The following PLD5 variants were observed in gnomAD, a reference collection of about 807,000 sequenced individuals.
PLD5 encodes the protein inactive phospholipase D5.
In PLD5, 36 loss-of-function variants were observed where a neutral mutation model predicts 61.1. The ratio of observed to expected loss-of-function variants is 0.59; its 90% CI spans 0.45 to 0.78. The LOEUF is 0.78. PLD5 is among the 30% of genes least tolerant of loss of function. The pLI is 0.00. For synonymous variants in PLD5, 243 were observed against 242.8 expected (o/e 1.00, Z -0.01); for missense variants, 515 against 644.4 (o/e 0.80, Z 2.17).
At chr1:242,351,586 T>G (rs1660480769) in intron 1 of PLD5, among the ~76,000 whole-genome samples, 1 of 152,204 alleles carries the variant, frequency 6.6e-6, no homozygotes, top group East Asian at 1.9e-4. Context: ...ACCATGATTG[T>G]CCTCAGTCAT....
chr1:242,137,060 G>A (rs1234755269), intron 5 of PLD5, among the ~76,000 whole-genome samples: 1 of 152,202 alleles, frequency 6.6e-6, no homozygotes, highest in Non-Finnish European at 1.5e-5. Flanking sequence ...CAGTCTGGCA[G>A]CAGCAGGGGA....
chr1:242,159,584 C>T (rs762274725), intron 5 of PLD5, among the ~76,000 whole-genome samples: 8 of 152,200 alleles, frequency 5.3e-5, no homozygotes, highest in South Asian at 2.1e-4. Flanking sequence ...GGGCTTTCTC[C>T]GTGATCCCGC....
At chr1:242,155,122 T>G (rs1665249865) in intron 5 of PLD5, among the ~76,000 whole-genome samples, 1 of 152,150 alleles carries the variant, frequency 6.6e-6, no homozygotes, top group Non-Finnish European at 1.5e-5. Context: ...GATTTTCTAC[T>G]TTATTATTTG....
At chr1:242,280,992 G>A (rs1451585467) in intron 3 of PLD5, among the ~76,000 whole-genome samples, 1 of 152,194 alleles carries the variant, frequency 6.6e-6, no homozygotes, top group Admixed American at 6.5e-5. Context: ...AGGACAAGTA[G>A]GCTTAGAGAG....
At chr1:242,346,060 T>G (rs1408443461) in intron 2 of PLD5, among the ~76,000 whole-genome samples, 1 of 106,690 alleles carries the variant, frequency 9.4e-6, no homozygotes. Context: ...ATATCACATA[T>G]ATATGATATA....
intron 1 of PLD5, among the ~76,000 whole-genome samples, chr1:242,437,375 T>C (rs1666046894): frequency 6.6e-6 from 1 of 152,164 alleles, no homozygotes; most frequent in Non-Finnish European, 1.5e-5. Flanking sequence ...ATTCTCATCC[T>C]TTACCCTCCT....
intron 1 of PLD5, among the ~76,000 whole-genome samples, chr1:242,396,284 T>G (rs747412030): frequency 2.0e-5 from 3 of 152,166 alleles, no homozygotes; most frequent in Non-Finnish European, 2.9e-5. Context: ...TAGAAAGACC[T>G]ATTAAATAAC....
intron 4 of PLD5, among the ~76,000 whole-genome samples, chr1:242,264,233 C>T (rs970422010): frequency 6.6e-6 from 1 of 152,166 alleles, no homozygotes; most frequent in Non-Finnish European, 1.5e-5. Context: ...TGTCAATCCA[C>T]TGAACTGGGC....
chr1:242,498,000 T>G (rs1440638073), intron 1 of PLD5, among the ~76,000 whole-genome samples: 1 of 152,202 alleles, frequency 6.6e-6, no homozygotes, highest in Non-Finnish European at 1.5e-5. Flanking sequence ...AGTCTCGCTC[T>G]GTCACCCAGG....
At chr1:242,444,003 T>A (rs947091601) in intron 1 of PLD5, among the ~76,000 whole-genome samples, 2 of 152,206 alleles carry the variant, frequency 1.3e-5, no homozygotes, top group African/African-American at 2.4e-5. Flanking sequence ...GCATCCATCA[T>A]GAATCATCAG....
intron 5 of PLD5, among the ~76,000 whole-genome samples, chr1:242,178,594 G>A (rs1277915541): frequency 6.6e-6 from 1 of 152,188 alleles, no homozygotes; most frequent in Admixed American, 6.5e-5. Context: ...CAATGATTCT[G>A]TCGAGAGAGA....
chr1:242,226,767 T>C (rs1181478663), intron 4 of PLD5, among the ~76,000 whole-genome samples: 1 of 152,218 alleles, frequency 6.6e-6, no homozygotes, highest in African/African-American at 2.4e-5. Flanking sequence ...AGACGCTTCA[T>C]TGAAATTTAA....
At chr1:242,509,664 T>G (rs905956437) in intron 1 of PLD5, among the ~76,000 whole-genome samples, 4 of 152,208 alleles carry the variant, frequency 2.6e-5, no homozygotes, top group African/African-American at 9.6e-5. Context: ...TGTCTTCTTA[T>G]TACCTCATTT....
At chr1:242,214,084 T>C (rs530434900) in intron 5 of PLD5, among the ~76,000 whole-genome samples, 16 of 152,298 alleles carry the variant, frequency 1.1e-4, no homozygotes, top group African/African-American at 3.8e-4. Flanking sequence ...ATAGCGCATG[T>C]CCTTCCTGCT....
At chr1:242,096,676 C>G (rs1471246903) in intron 9 of PLD5, among the ~76,000 whole-genome samples, 1 of 132,444 alleles carries the variant, frequency 7.6e-6, no homozygotes, top group Non-Finnish European at 1.7e-5. Context: ...TGTTTTAAGT[C>G]TTTTTTGTTT....
chr1:242,170,590 G>C (rs1666674988), intron 5 of PLD5, among the ~76,000 whole-genome samples: 1 of 152,068 alleles, frequency 6.6e-6, no homozygotes, highest in Admixed American at 6.6e-5. Flanking sequence ...TCAGAAGGTG[G>C]GTAATAACAA....
chr1:242,134,842 C>G lies in PLD5; in HGVS notation c.736-10177G>C, dbSNP rs1426429036. 2.6e-5 allele frequency among the ~76,000 whole-genome samples: 4 copies of G among 152,304 alleles called. No individual in the cohort carries two copies. In the East Asian group the frequency reaches 7.7e-4, roughly 29 times the overall value. ...TTCCCAGCACCATTGGTTCTCATAG[C>G]TTCCCTGTCTGTGAAGTTCCAGAAA... On this transcript the variant is annotated intron_variant, in intron 5 of 9. Coordinates refer to ENST00000536534, the MANE Select transcript of PLD5 (RefSeq NM_001372062.1).
chr1:242,107,965 C>T (rs930748168), intron 7 of PLD5, 126 bp from the exon 8 acceptor site: 39 of 886,886 alleles, frequency 4.4e-5, no homozygotes, highest in Non-Finnish European at 5.5e-5. Flanking sequence ...TATAAGCAAC[C>T]TCATCGGAGA....
At chr1:242,189,332 G>T (rs1489844323) in intron 5 of PLD5, among the ~76,000 whole-genome samples, 1 of 149,914 alleles carries the variant, frequency 6.7e-6, no homozygotes, top group Admixed American at 6.7e-5. Flanking sequence ...TGTAATCCCA[G>T]TTATTGGGGA....
Sources: gnomAD v4.1 joint callset for allele counts (sites outside exome capture counted in the v4.1 genomes callset) on GRCh38, gnomAD v4.1.1 for gene constraint, MANE v1.5 for transcripts, NCBI Gene and HGNC (gene_info 2026-07-23, HGNC 2026-07-21) for gene names.